Variants in FRMD4A observed in about 807,000 individuals in gnomAD.
FRMD4A encodes the protein FERM domain-containing protein 4A.
FRMD4A carries 29 observed loss-of-function variants against 129.1 expected under a neutral mutation model. The ratio of observed to expected loss-of-function variants is 0.22; its 90% confidence interval spans 0.17 to 0.31. The LOEUF is 0.31. Ranked by LOEUF, FRMD4A falls within the 10% of genes least tolerant of loss-of-function variation. The pLI is 1.00. For missense variants in FRMD4A, 1,272 were observed against 1,375.8 expected, an observed-to-expected ratio of 0.92 and a Z score of 1.19; for synonymous variants, 634 against 571.6, an observed-to-expected ratio of 1.11 and a Z score of -1.56.
At chr10:13,952,993 G>A (rs1044297101) in intron 2 of FRMD4A, among the ~76,000 whole-genome samples, 5 of 152,066 alleles carry the variant, frequency 3.3e-5, no homozygotes, top group African/African-American at 7.2e-5. Context: ...CACCCTGCCC[G>A]GCCCAAATTA....
At chr10:14,291,608 C>A (rs184040616) in intron 2 of FRMD4A, among the ~76,000 whole-genome samples, 1 of 152,024 alleles carries the variant, frequency 6.6e-6, no homozygotes, top group East Asian at 1.9e-4. Flanking sequence ...CATGTATTCA[C>A]GATAAAAATA....
chr10:14,245,270 G>C (rs937992485), intron 2 of FRMD4A, among the ~76,000 whole-genome samples: 1 of 152,318 alleles, frequency 6.6e-6, no homozygotes, highest in African/African-American at 2.4e-5. Flanking sequence ...ACCGGCCTTA[G>C]GTCTCCGGGT....
chr10:13,881,677 G>A (rs1254359398), intron 2 of FRMD4A, among the ~76,000 whole-genome samples: 1 of 152,100 alleles, frequency 6.6e-6, no homozygotes, highest in Non-Finnish European at 1.5e-5. Context: ...ATAACGCTGG[G>A]TGCTGTGCTG....
intron 2 of FRMD4A, among the ~76,000 whole-genome samples, chr10:13,941,593 G>A (rs933956460): frequency 2.0e-5 from 3 of 152,222 alleles, no homozygotes; most frequent in Non-Finnish European, 4.4e-5. Context: ...AGGTTAACTA[G>A]AGGAGCTTTG....
At chr10:14,188,588 C>A (rs1340489673) in intron 2 of FRMD4A, among the ~76,000 whole-genome samples, 1 of 152,160 alleles carries the variant, frequency 6.6e-6, no homozygotes, top group African/African-American at 2.4e-5. Flanking sequence ...ACTTAATAAG[C>A]CCTCAATAGA....
At chr10:13,757,746 G>A (rs914659932) in intron 8 of FRMD4A, among the ~76,000 whole-genome samples, 9 of 152,028 alleles carry the variant, frequency 5.9e-5, no homozygotes, top group African/African-American at 2.2e-4. Context: ...TTTTGACTTC[G>A]TCTTTTTTTT....
chr10:14,224,493 G>A (rs1284481627), intron 2 of FRMD4A, among the ~76,000 whole-genome samples: 1 of 152,186 alleles, frequency 6.6e-6, no homozygotes, highest in African/African-American at 2.4e-5. Context: ...TTTGGTCCCA[G>A]CCAATTAAAA....
intron 2 of FRMD4A, among the ~76,000 whole-genome samples, chr10:14,217,684 C>A (rs1440829226): frequency 1.3e-5 from 2 of 152,218 alleles, no homozygotes; most frequent in East Asian, 3.9e-4. Flanking sequence ...TGAAATCCAG[C>A]TGGCTCTCTG....
intron 2 of FRMD4A, among the ~76,000 whole-genome samples, chr10:14,048,643 T>C (rs1588866709): frequency 1.3e-5 from 2 of 151,902 alleles, no homozygotes. Context: ...CTGTCTCTAC[T>C]AAAAATACAA....
chr10:13,942,420 C>T (rs2095299395), intron 2 of FRMD4A, among the ~76,000 whole-genome samples: 1 of 152,092 alleles, frequency 6.6e-6, no homozygotes, highest in African/African-American at 2.4e-5. Context: ...AGTCATCAGA[C>T]AGAGATAACT....
intron 12 of FRMD4A, among the ~76,000 whole-genome samples, chr10:13,711,106 G>A (rs2087970631): frequency 6.6e-6 from 1 of 152,216 alleles, no homozygotes; most frequent in South Asian, 2.1e-4. Flanking sequence ...TCACTTAGGA[G>A]GGAGGGGGTG....
At chr10:14,095,665 G>T (rs74649522) in intron 2 of FRMD4A, among the ~76,000 whole-genome samples, 2 of 152,192 alleles carry the variant, frequency 1.3e-5, no homozygotes, top group African/African-American at 4.8e-5. Flanking sequence ...TCTCCAGCAC[G>T]CTGGATCGAA....
chr10:13,898,930 T>C (rs2698135), intron 2 of FRMD4A, among the ~76,000 whole-genome samples: 152,251 of 152,292 alleles, frequency 1, 76,105 homozygotes, highest in Non-Finnish European at 1. Flanking sequence ...CACCTGTAAT[T>C]CCAGCTCTCT....
At chr10:14,077,244 T>G (rs867281181) in intron 2 of FRMD4A, among the ~76,000 whole-genome samples, 1 of 152,166 alleles carries the variant, frequency 6.6e-6, no homozygotes, top group African/African-American at 2.4e-5. Flanking sequence ...AAGAATTATA[T>G]TTTGGTCCTC....
rs1445662829 is a variant in FRMD4A at position 14,128,063 on chromosome 10, T to C, written c.45+201995A>G. Among the ~76,000 whole-genome samples the C allele has an allele frequency of 4.5e-3, 286 of 63,658 alleles. 5 individuals carry two copies. Among genetic ancestry groups the C allele is most frequent in the African/African-American group, 0.015 (247 of 16,956 alleles). 41.8% of individuals were successfully genotyped at this position (63,658 alleles called of 152,430 possible). A position where few individuals can be genotyped will look rare whatever the true frequency, so the allele number is the denominator to read the frequency against. On this transcript the variant is annotated intron_variant, in intron 2 of 24. Coordinates refer to ENST00000357447, the MANE Select transcript of FRMD4A (RefSeq NM_018027.5). The stretch of plus-strand genomic sequence containing the variant: ...TTCTTTCCCTCTTTCTTTCTTTCTT[T>C]CTTTCTTTCTTTCTTTCTTTCTTTC...
chr10:14,201,602 G>A (rs978788077), intron 2 of FRMD4A, among the ~76,000 whole-genome samples: 3 of 152,146 alleles, frequency 2.0e-5, no homozygotes, highest in African/African-American at 7.2e-5. Context: ...AAATAAAAGT[G>A]TGGTCTGAGA....
At chr10:14,310,128 T>C (rs912953245) in intron 2 of FRMD4A, among the ~76,000 whole-genome samples, 2 of 152,216 alleles carry the variant, frequency 1.3e-5, no homozygotes, top group African/African-American at 2.4e-5. Context: ...CCTCCCCAGC[T>C]GGCTGGGATC....
intron 3 of FRMD4A, among the ~76,000 whole-genome samples, chr10:13,835,641 T>C (rs7919964): frequency 0.5 from 76,012 of 151,930 alleles, 19,080 homozygotes; most frequent in East Asian, 0.6. Flanking sequence ...CTCCATCAGG[T>C]GTCTAATGCC....
chr10:14,217,036 A>AT (rs1466135453), intron 2 of FRMD4A, among the ~76,000 whole-genome samples: 1 of 152,222 alleles, frequency 6.6e-6, no homozygotes, highest in Non-Finnish European at 1.5e-5. Flanking sequence ...GTCACCGAAC[A>AT]GGGGGGCATG....
Sources: gnomAD v4.1 joint callset for allele counts (sites outside exome capture counted in the v4.1 genomes callset) on GRCh38, gnomAD v4.1.1 for gene constraint, MANE v1.5 for transcripts, NCBI Gene and HGNC (gene_info 2026-07-23, HGNC 2026-07-21) for gene names.